The following KIF13B variants were observed in gnomAD, a reference collection of about 807,000 sequenced individuals.
KIF13B encodes the protein kinesin-like protein KIF13B.
KIF13B carries 127 observed loss-of-function variants against 222.0 expected under a neutral mutation model. The ratio of observed to expected loss-of-function variants is 0.57; its 90% CI spans 0.50 to 0.66. The LOEUF (loss-of-function observed/expected upper bound fraction) is 0.66, where lower values mean the gene tolerates loss of function less well. KIF13B is among the 30% of genes least tolerant of loss of function. KIF13B has a pLI of 0.00. For missense variants in KIF13B, 2,173 were observed against 2,379.0 expected (o/e 0.91, Z 1.80); for synonymous variants, 976 against 919.0 (o/e 1.06, Z -1.12).
chr8:29,105,081 G>A (rs1372110979), intron 35 of KIF13B, among the ~76,000 whole-genome samples: 4 of 151,844 alleles, frequency 2.6e-5, no homozygotes, highest in Admixed American at 2.6e-4. Flanking sequence ...ATCCTCCCCT[G>A]CCTCAGCCTC....
chr8:29,088,227 C>T (rs1404689836), intron 37 of KIF13B, among the ~76,000 whole-genome samples: 1 of 151,984 alleles, frequency 6.6e-6, no homozygotes, highest in Non-Finnish European at 1.5e-5. Flanking sequence ...GATCGCACCA[C>T]TGTACTCCAG....
chr8:29,155,447 T>A (rs1811477455), intron 14 of KIF13B, among the ~76,000 whole-genome samples: 1 of 152,172 alleles, frequency 6.6e-6, no homozygotes, highest in Non-Finnish European at 1.5e-5. Flanking sequence ...GAGGAAAGCC[T>A]TCTAGGGCTG....
chr8:29,235,453 C>T (rs1214254688), intron 2 of KIF13B, among the ~76,000 whole-genome samples: 2 of 152,112 alleles, frequency 1.3e-5, no homozygotes, highest in Non-Finnish European at 2.9e-5. Context: ...TCCAGACTTG[C>T]AAATCACCCT....
intron 10 of KIF13B, among the ~76,000 whole-genome samples, chr8:29,170,291 T>C (rs988214318): frequency 1.3e-5 from 2 of 152,360 alleles, no homozygotes; most frequent in Middle Eastern, 3.4e-3. Context: ...ATCCAATTAT[T>C]TCATTTTACA....
chr8:29,107,689 T>C (rs1456703469), intron 35 of KIF13B, among the ~76,000 whole-genome samples: 1 of 151,318 alleles, frequency 6.6e-6, no homozygotes, highest in Non-Finnish European at 1.5e-5. Context: ...GCCTCCCGAG[T>C]AGCTGGGACT....
chr8:29,120,166 GTT>G (rs57731633), intron 29 of KIF13B, among the ~76,000 whole-genome samples: 1,027 of 102,378 alleles, frequency 0.01, 4 homozygotes, highest in African/African-American at 0.018. Flanking sequence ...AAAAATGACA[GTT>G]TTTTTTTTTT....
chr8:29,186,194 C>T (rs1465475023), intron 6 of KIF13B, 98 bp downstream of exon 6: 13 of 920,988 alleles, frequency 1.4e-5, no homozygotes, highest in East Asian at 4.9e-5. Context: ...TGTGACAGAG[C>T]GAGACCCTCT....
intron 2 of KIF13B, among the ~76,000 whole-genome samples, chr8:29,244,625 C>T (rs978706978): frequency 1.3e-5 from 2 of 152,216 alleles, no homozygotes; most frequent in African/African-American, 4.8e-5. Context: ...AAAATACAGG[C>T]CAAACTTCCT....
intron 10 of KIF13B, among the ~76,000 whole-genome samples, chr8:29,172,019 A>G (rs1812265077): frequency 6.6e-6 from 1 of 150,800 alleles, no homozygotes; most frequent in Non-Finnish European, 1.5e-5. Context: ...CGGCCCCCCA[A>G]AGTGCTAGGA....
Position 29,132,450 on chromosome 8 carries a change from T to G in KIF13B, c.2800A>C (p.Ile934Leu), listed in dbSNP as rs777583082. 6.5e-7 allele frequency: 1 copy of G among 1,531,854 alleles called. No individual in the cohort carries two copies. The highest frequency in any genetic ancestry group is 1.3e-5 in the South Asian group (1 of 78,026). The allele number at this position is 1,531,854 out of a possible 1,614,324, so 94.9% of individuals were successfully genotyped here. A position where few individuals can be genotyped will look rare whatever the true frequency, so the allele number is the denominator to read the frequency against. Residue 934 changes from isoleucine (I) to leucine (L), a missense_variant, in exon 23 of 40, where the codon ATC becomes CTC. Ile to Leu is a conservative substitution (Grantham distance 5). Around this residue, in one of 2 missense-constraint regions of KIF13B, gnomAD observed 1,480 missense variants for 1,722.8 expected, o/e 0.86. Coordinates refer to ENST00000524189, the MANE Select transcript of KIF13B (RefSeq NM_015254.4). ...FDHCNEFSVN[I>L]TEDFIEHLSE... ...AGATGCTCGATAAAGTCTTCGGTGA[T>G]GTTAACAGAAAACTCCTGAAACACA...
chr8:29,186,858 A>C (rs575705365), intron 5 of KIF13B, among the ~76,000 whole-genome samples: 3 of 151,462 alleles, frequency 2.0e-5, no homozygotes, highest in African/African-American at 7.3e-5. Context: ...AGTCCCAGCT[A>C]CTCGGGAGGC....
chr8:29,161,152 C>T (rs1474033149), intron 12 of KIF13B, among the ~76,000 whole-genome samples: 2 of 152,152 alleles, frequency 1.3e-5, no homozygotes, highest in South Asian at 2.1e-4. Context: ...TTGAATTCAT[C>T]TCATTTAACT....
At chr8:29,191,417 A>G (rs1813181810) in intron 3 of KIF13B, among the ~76,000 whole-genome samples, 1 of 152,218 alleles carries the variant, frequency 6.6e-6, no homozygotes, top group Admixed American at 6.5e-5. Context: ...AGAAAAAGAT[A>G]TTTTTTAAAT....
intron 1 of KIF13B, among the ~76,000 whole-genome samples, chr8:29,257,737 T>C (rs142400310): frequency 0.012 from 1,754 of 151,712 alleles, 47 homozygotes; most frequent in African/African-American, 0.041. Flanking sequence ...GCCCAGGAGG[T>C]TGAGGTTGAG....
chr8:29,123,579 T>C (rs372660435), intron 27 of KIF13B, 87 bp from the exon 28 acceptor site: 2 of 1,530,408 alleles, frequency 1.3e-6, no homozygotes, highest in East Asian at 2.3e-5. Context: ...TTTGCCTATA[T>C]TTCAATTATT....
intron 19 of KIF13B, 140 bp downstream of exon 19, chr8:29,142,017 G>A: frequency 1.8e-6 from 1 of 569,682 alleles, no homozygotes; most frequent in African/African-American, 1.9e-5. Context: ...AAACAATTTA[G>A]GGGATTAAAA....
chr8:29,128,083 C>A (rs1030432049), intron 24 of KIF13B, among the ~76,000 whole-genome samples: 1 of 149,050 alleles, frequency 6.7e-6, no homozygotes, highest in Admixed American at 6.7e-5. Flanking sequence ...ATGTAAATAA[C>A]TTGTATATAA....
intron 37 of KIF13B, among the ~76,000 whole-genome samples, chr8:29,083,866 C>T (rs1315435320): frequency 1.3e-5 from 2 of 151,800 alleles, no homozygotes; most frequent in African/African-American, 4.8e-5. Flanking sequence ...TTTAAATAAC[C>T]TGAAAGTTTA....
At chr8:29,196,576 T>A (rs908831616) in intron 2 of KIF13B, among the ~76,000 whole-genome samples, 3 of 152,226 alleles carry the variant, frequency 2.0e-5, no homozygotes, top group Non-Finnish European at 4.4e-5. Flanking sequence ...CCAAGTAGTT[T>A]TCTCTGCTTT....
Sources: gnomAD v4.1 joint callset for allele counts (sites outside exome capture counted in the v4.1 genomes callset) on GRCh38, gnomAD v4.1.1 for gene constraint, gnomAD v4.1.1 regional missense constraint, MANE v1.5 for transcripts, NCBI Gene and HGNC (gene_info 2026-07-23, HGNC 2026-07-21) for gene names.